CSMD1: variants seen among roughly 807,000 people sequenced by gnomAD.
CSMD1 encodes CUB and sushi domain-containing protein 1.
In CSMD1, 213 loss-of-function variants were observed where a neutral mutation model predicts 417.5. That is an observed-to-expected ratio of 0.51 (90% CI 0.46 to 0.57). The LOEUF is 0.57. CSMD1 is among the 20% of genes least tolerant of loss of function. The pLI, the probability that CSMD1 is intolerant of heterozygous loss-of-function variation, is 0.00. For missense variants in CSMD1, 6,923 were observed against 4,529.7 expected (o/e 1.53, Z -15.17); for synonymous variants, 2,862 against 1,736.8 (o/e 1.65, Z -16.11).
At chr8:4,793,712 C>A (rs1797819225) in intron 1 of CSMD1, among the ~76,000 whole-genome samples, 1 of 151,868 alleles carries the variant, frequency 6.6e-6, no homozygotes, top group African/African-American at 2.4e-5. Flanking sequence ...GAGGCCAAAT[C>A]TTCTTTTACA....
At chr8:4,563,159 T>C (rs1033795622) in intron 2 of CSMD1, among the ~76,000 whole-genome samples, 5 of 152,136 alleles carry the variant, frequency 3.3e-5, no homozygotes, top group African/African-American at 4.8e-5. Flanking sequence ...CTCAGCACTT[T>C]CGGAGGCCGA....
chr8:4,821,836 G>A (rs1322703247), intron 1 of CSMD1, among the ~76,000 whole-genome samples: 1 of 152,130 alleles, frequency 6.6e-6, no homozygotes, highest in Non-Finnish European at 1.5e-5. Flanking sequence ...ACTCAGATCA[G>A]AAAAGCTGAG....
chr8:3,382,443 T>C (rs1810689030), intron 18 of CSMD1, among the ~76,000 whole-genome samples: 2 of 143,076 alleles, frequency 1.4e-5, no homozygotes, highest in South Asian at 2.1e-4. Flanking sequence ...TAATAACATA[T>C]ATAATATAAT....
At chr8:4,281,266 C>G (rs558011609) in intron 3 of CSMD1, among the ~76,000 whole-genome samples, 1 of 152,264 alleles carries the variant, frequency 6.6e-6, no homozygotes, top group African/African-American at 2.4e-5. Flanking sequence ...AACCTCTCGA[C>G]AGCATTATGG....
At chr8:4,689,644 T>C (rs143355563) in intron 1 of CSMD1, among the ~76,000 whole-genome samples, 1 of 152,306 alleles carries the variant, frequency 6.6e-6, no homozygotes, top group African/African-American at 2.4e-5. Context: ...AGACAAAGAC[T>C]GTATCTGAGG....
chr8:3,661,954 T>G (rs1260841410), intron 7 of CSMD1, among the ~76,000 whole-genome samples: 1 of 151,768 alleles, frequency 6.6e-6, no homozygotes, highest in African/African-American at 2.4e-5. Flanking sequence ...AGAGAGAAAA[T>G]GAGAACGGGA....
intron 5 of CSMD1, among the ~76,000 whole-genome samples, chr8:3,760,557 G>A (rs1205543088): frequency 2.6e-5 from 4 of 152,078 alleles, no homozygotes; most frequent in Non-Finnish European, 4.4e-5. Context: ...GGGATATAAG[G>A]GCTGAACACA....
chr8:4,470,029 G>C (rs1458323495), intron 2 of CSMD1, among the ~76,000 whole-genome samples: 1 of 151,792 alleles, frequency 6.6e-6, no homozygotes, highest in Non-Finnish European at 1.5e-5. Flanking sequence ...TAACATGCCC[G>C]GCTAATTTCT....
intron 3 of CSMD1, among the ~76,000 whole-genome samples, chr8:4,395,395 G>A (rs974509708): frequency 3.3e-5 from 5 of 152,014 alleles, no homozygotes; most frequent in Non-Finnish European, 1.5e-5. Flanking sequence ...CAGCTAGCCA[G>A]GCTCCAGAAG....
chr8:3,204,042 T>A (rs909119291), intron 31 of CSMD1, among the ~76,000 whole-genome samples: 3 of 152,186 alleles, frequency 2.0e-5, no homozygotes, highest in African/African-American at 7.2e-5. Context: ...ATTAGTTTAT[T>A]TATCAGGAAA....
At chr8:3,901,021 G>C (rs540450703) in intron 5 of CSMD1, among the ~76,000 whole-genome samples, 1 of 152,132 alleles carries the variant, frequency 6.6e-6, no homozygotes, top group Non-Finnish European at 1.5e-5. Context: ...TATCATTATT[G>C]ACATTACTTT....
intron 1 of CSMD1, among the ~76,000 whole-genome samples, chr8:4,765,665 G>A (rs551795458): frequency 6.6e-6 from 1 of 152,334 alleles, no homozygotes; most frequent in African/African-American, 2.4e-5. Context: ...AAGCAAACTT[G>A]CTGTGCTGGA....
intron 3 of CSMD1, among the ~76,000 whole-genome samples, chr8:4,099,829 T>A (rs1220339818): frequency 6.6e-6 from 1 of 152,180 alleles, no homozygotes; most frequent in Admixed American, 6.5e-5. Flanking sequence ...TGTATCCACA[T>A]CTTGCTCCCT....
intron 2 of CSMD1, among the ~76,000 whole-genome samples, chr8:4,612,729 T>C (rs1397085799): frequency 6.6e-6 from 1 of 152,148 alleles, no homozygotes; most frequent in Non-Finnish European, 1.5e-5. Context: ...GTGGGTGTGT[T>C]TGTGTGTGCA....
At chr8:3,523,006 TAC>T (rs564302110) in intron 10 of CSMD1, among the ~76,000 whole-genome samples, 1 of 113,334 alleles carries the variant, frequency 8.8e-6, no homozygotes, top group Non-Finnish European at 1.8e-5. Flanking sequence ...GATACATATA[TAC>T]ACACACCCAC....
At chr8:3,404,984 T>C (rs1050407892) in intron 15 of CSMD1, among the ~76,000 whole-genome samples, 1 of 152,212 alleles carries the variant, frequency 6.6e-6, no homozygotes, top group Non-Finnish European at 1.5e-5. Context: ...CTTTATGATA[T>C]TGATCCAGGA....
chr8:4,641,653 A>G (rs1803198175), intron 1 of CSMD1, among the ~76,000 whole-genome samples: 3 of 152,336 alleles, frequency 2.0e-5, no homozygotes, highest in South Asian at 4.1e-4. Flanking sequence ...AAACCCAGTT[A>G]TATCTCCACG....
At chr8:3,971,621 A>G (rs1813095605) in intron 5 of CSMD1, among the ~76,000 whole-genome samples, 1 of 152,126 alleles carries the variant, frequency 6.6e-6, no homozygotes, top group Non-Finnish European at 1.5e-5. Flanking sequence ...TTCTACTTCT[A>G]TTTCCTCAAG....
intron 3 of CSMD1, among the ~76,000 whole-genome samples, chr8:4,317,818 A>C (rs1005469834): frequency 6.6e-6 from 1 of 152,140 alleles, no homozygotes; most frequent in African/African-American, 2.4e-5. Flanking sequence ...GTAGGCATTC[A>C]GTAATTATTT....
Sources: allele counts gnomAD v4.1 joint callset (sites outside exome capture counted in the v4.1 genomes callset), GRCh38; gene constraint gnomAD v4.1.1; transcripts MANE v1.5; gene names NCBI Gene and HGNC (gene_info 2026-07-23, HGNC 2026-07-21).